Variants in SZT2 observed in about 807,000 individuals in gnomAD.
The protein encoded by SZT2 is SZT2 subunit of KICSTOR complex, also known as KICSTOR complex protein SZT2.
A neutral mutation model predicts 404.2 loss-of-function variants in SZT2; 216 were observed. The observed-to-expected ratio is 0.53, with a 90% CI of 0.48 to 0.60. The LOEUF (loss-of-function observed/expected upper bound fraction) is 0.60, where lower values mean the gene tolerates loss of function less well. Ranked by LOEUF, SZT2 falls within the 20% of genes least tolerant of loss-of-function variation. The pLI, the probability that SZT2 is intolerant of heterozygous loss-of-function variation, is 0.00. For missense variants in SZT2, 3,857 were observed against 4,459.2 expected, an observed-to-expected ratio of 0.86 and a Z score of 3.85; for synonymous variants, 1,693 against 1,749.9, an observed-to-expected ratio of 0.97 and a Z score of 0.81.
chr1:43,446,928 C>G (rs1227439711), intron 65 of SZT2, 27 bp from the exon 66 acceptor site: 1 of 1,599,312 alleles, frequency 6.3e-7, no homozygotes, highest in Non-Finnish European at 8.5e-7. Context: ...CATACCTTAA[C>G]CCTGTCTCCT....
chr1:43,451,141 A>G lies in SZT2; in HGVS notation c.*661A>G. On this transcript the variant is annotated 3_prime_UTR_variant, in exon 72 of 72. Transcript: ENST00000634258. ...ACTATGTGTCCCACCACCCCATTAC[A>G]GAGACATATGACAATGTTCAGCAGG... 1 of 1,163,662 alleles carries G rather than the reference A, an allele frequency of 8.6e-7. No homozygotes were observed. Among genetic ancestry groups the G allele is most frequent in the Non-Finnish European group, 1.3e-6 (1 of 771,688 alleles). 72.1% of individuals were successfully genotyped at this position (1,163,662 alleles called of 1,614,324 possible).
intron 1 of SZT2, among the ~76,000 whole-genome samples, chr1:43,401,211 C>T (rs1649645581): frequency 1.3e-5 from 2 of 152,170 alleles, no homozygotes; most frequent in African/African-American, 2.4e-5. Flanking sequence ...AGGCTTGAAC[C>T]GTTATGCCCA....
chr1:43,425,903 G>A lies in SZT2; in HGVS notation c.2883G>A (p.Gln961=). 1.2e-6 allele frequency: 2 copies of A among 1,614,176 alleles called. No homozygotes were observed. Among genetic ancestry groups the A allele is most frequent in the South Asian group, 1.1e-5 (1 of 91,084 alleles). ...LSFEYLIQLC[Q]SKEWGPLPPE... Reference sequence around the variant, plus strand: ...TTGAATACCTGATACAGCTGTGTCAGAGCAAGGAATGGGGTCCTCTGCCCC... The same window carrying A: ...TTGAATACCTGATACAGCTGTGTCAAAGCAAGGAATGGGGTCCTCTGCCCC... Residue 961 remains glutamine, a synonymous_variant, in exon 20 of 72, where the codon CAG becomes CAA. Transcript: ENST00000634258. The surrounding 1 kb of genome is among the most constrained non-coding windows in gnomAD (Gnocchi z 4.3).
intron 28 of SZT2, chr1:43,429,414 G>A (rs1377743017): frequency 1.5e-5 from 5 of 338,152 alleles, no homozygotes; most frequent in Non-Finnish European, 2.8e-5. Context: ...TATGCCTGTG[G>A]TCCCAGCTAC....
At position 43,427,120 on chromosome 1, in the gene SZT2, A is replaced by C. The variant is rs372604291; in HGVS notation, c.3374A>C (p.Tyr1125Ser). 1 of 1,614,170 alleles carries C rather than the reference A, an allele frequency of 6.2e-7. No homozygotes were observed. The highest frequency in any genetic ancestry group is 8.5e-7 in the Non-Finnish European group (1 of 1,180,034). ...GCCCAGCCCCCTCAGTGGCGCTGCT[A>C]TGCAAGGCTTGTGAACCCCCAGCAT... ...ISAQPPQWRC[Y>S]ARLVNPQHVF... The change falls in exon 24 of 72, where the codon TAT becomes TCT. Residue 1125 changes from tyrosine (Y) to serine (S), a missense_variant. Physicochemically the swap from Tyr to Ser is moderately radical, Grantham distance 144. This residue lies in a region of SZT2 where 1,725 missense variants were observed against 1,881.0 expected (regional missense o/e 0.92). Transcript: ENST00000634258.
Position 43,416,623 on chromosome 1 carries a change from G to A in SZT2, c.861G>A (p.Val287=), listed in dbSNP as rs1222652036. ...TGAACCAGCTTCGCAGTGGCACTGT[G>A]GCTTGTTCCTTTGTCCAGGTGAGGA... ...TLLNQLRSGT[V]ACSFVQVGGV... Residue 287 remains valine, a synonymous_variant, in exon 7 of 72, where the codon GTG becomes GTA. Transcript: ENST00000634258. 3 of 1,597,728 alleles carry A rather than the reference G, an allele frequency of 1.9e-6. No homozygotes were observed. The highest frequency in any genetic ancestry group is 1.3e-5 in the African/African-American group (1 of 74,900).
At chr1:43,415,359 A>ACTCC in intron 5 of SZT2, 146 bp downstream of exon 5, 2 of 946,136 alleles carry the variant, frequency 2.1e-6, no homozygotes, top group Non-Finnish European at 3.1e-6. Context: ...CTCATGACAC[A>ACTCC]CTCCCTGTTG....
intron 1 of SZT2, among the ~76,000 whole-genome samples, chr1:43,393,782 G>A (rs1374627824): frequency 1.3e-5 from 2 of 152,172 alleles, no homozygotes; most frequent in Non-Finnish European, 2.9e-5. Context: ...GCAGCACAGT[G>A]CCTGGTAATG....
chr1:43,425,693 C>T lies in SZT2; in HGVS notation c.2814+51C>T, dbSNP rs1473849187. 3.7e-6 allele frequency: 6 copies of T among 1,605,814 alleles called. No homozygotes were observed. Among genetic ancestry groups the T allele is most frequent in the Non-Finnish European group, 5.1e-6 (6 of 1,174,960 alleles). On this transcript the variant is annotated intron_variant, in intron 19 of 71. Coordinates refer to ENST00000634258, the MANE Select transcript of SZT2 (RefSeq NM_001365999.1). The surrounding 1 kb of genome is among the most constrained non-coding windows in gnomAD (Gnocchi z 4.3). ...CACCTCTCTCACTGGATTGGGGTGC[C>T]ATCTCTTTTGGAGTACTGCAGTCTG...
At chr1:43,413,758 G>A (rs1358982073) in intron 4 of SZT2, among the ~76,000 whole-genome samples, 1 of 152,138 alleles carries the variant, frequency 6.6e-6, no homozygotes, top group Non-Finnish European at 1.5e-5. Flanking sequence ...TAAAACAATT[G>A]AACTAATGAA....
At position 43,443,085 on chromosome 1, in the gene SZT2, AGGTGAG is replaced by A; in HGVS notation, c.8419+3_8419+8del. The A allele has an allele frequency of 6.2e-7, 1 of 1,611,382 alleles. No homozygotes were observed. The highest frequency in any genetic ancestry group is 8.5e-7 in the Non-Finnish European group (1 of 1,178,156). On this transcript the variant is annotated splice_donor_variant and splice_donor_5th_base_variant and coding_sequence_variant and intron_variant, in exon 59 of 72. Transcript: ENST00000634258. LOFTEE classifies it high-confidence loss of function. ...TAGAGATCAAGATGGCAGAGCGCAG[AGGTGAG>A]GGTACTGGGCCAGGCAGCAGGGACA... is the stretch of plus-strand genomic sequence containing the variant.
At chr1:43,411,769 CTTTTTTTTTTTTTTTT>C (rs386366817) in intron 4 of SZT2, among the ~76,000 whole-genome samples, 1 of 74,046 alleles carries the variant, frequency 1.4e-5, no homozygotes, top group Non-Finnish European at 2.4e-5. Context: ...CATCCACTAT[CTTTTTTTTTTTTTTTT>C]TTTTTTTTTT....
Position 43,451,142 on chromosome 1 carries a change from G to A in SZT2, c.*662G>A. On this transcript the variant is annotated 3_prime_UTR_variant, in exon 72 of 72. Transcript: ENST00000634258. ...CTATGTGTCCCACCACCCCATTACA[G>A]AGACATATGACAATGTTCAGCAGGT... 1 of 1,170,022 alleles carries A rather than the reference G, an allele frequency of 8.5e-7. No homozygotes were observed. Among genetic ancestry groups the A allele is most frequent in the Non-Finnish European group, 1.3e-6 (1 of 777,488 alleles). The allele number at this position is 1,170,022 out of a possible 1,614,324, so 72.5% of individuals were successfully genotyped here.
chr1:43,454,020 G>C lies in SZT2; in HGVS notation c.*3540G>C. 1 of 1,168,236 alleles carries C rather than the reference G, an allele frequency of 8.6e-7. No individual in the cohort carries two copies. The highest frequency in any genetic ancestry group is 1.1e-6 in the Non-Finnish European group (1 of 947,898). The allele number at this position is 1,168,236 out of a possible 1,614,324, so 72.4% of individuals were successfully genotyped here. ...GAGGCGAAGGGGCGGAGCGAGGGCG[G>C]CCGGAAAAGGAGCAGGACCCGCGCC... On this transcript the variant is annotated 3_prime_UTR_variant, in exon 72 of 72. Coordinates refer to ENST00000634258, the MANE Select transcript of SZT2 (RefSeq NM_001365999.1).
At chr1:43,428,660 A>C (rs1046273150) in intron 28 of SZT2, 174 bp downstream of exon 28, 1 of 855,408 alleles carries the variant, frequency 1.2e-6, no homozygotes, top group Non-Finnish European at 1.7e-6. Context: ...CCAATTTGGC[A>C]CAGGCAGCAG....
rs755487175 is a variant in SZT2 at position 43,425,078 on chromosome 1, T to G, written c.2551-35T>G. 1 of 1,613,520 alleles carries G rather than the reference T, an allele frequency of 6.2e-7. No homozygotes were observed. Among genetic ancestry groups the G allele is most frequent in the Non-Finnish European group, 8.5e-7 (1 of 1,179,440 alleles). ...GGCCAGGCCAGATCTCTGCCTTGGCTGGGATTTGCCCAAGATCTCCCATTT... is the reference window on the plus strand; with the variant it reads ...GGCCAGGCCAGATCTCTGCCTTGGCGGGGATTTGCCCAAGATCTCCCATTT... On this transcript the variant is annotated intron_variant, in intron 17 of 71. Coordinates refer to ENST00000634258, the MANE Select transcript of SZT2 (RefSeq NM_001365999.1). This position sits in a 1 kb window ranked among gnomAD's most constrained non-coding sequence, Gnocchi z 4.3.
rs1396371872 is a variant in SZT2 at position 43,450,157 on chromosome 1, C to A, written c.10141C>A (p.His3381Asn). The part of the protein sequence containing the change: ...DCFVLVFLDS[H>N]LGKTSLTVVF... ...CTTTGTGCTAGTGTTTCTGGACTCC[C>A]ACTTAGGAAAGACGGTAAGAACGAG... Residue 3381 changes from histidine to asparagine, a missense_variant, in exon 71 of 72, where the codon CAC becomes AAC. Transcript: ENST00000634258. The surrounding 1 kb of genome is among the most constrained non-coding windows in gnomAD (Gnocchi z 4.3). The A allele has an allele frequency of 1.2e-6, 2 of 1,613,984 alleles. No homozygotes were observed. The highest frequency in any genetic ancestry group is 1.1e-5 in the South Asian group (1 of 91,088).
chr1:43,447,121 C>T lies in SZT2; in HGVS notation c.9239C>T (p.Ala3080Val), dbSNP rs1409225380. The change falls in exon 66 of 72, where the codon GCC (alanine) becomes GTC (valine). Residue 3080 changes from alanine (A) to valine (V), a missense_variant. Coordinates refer to ENST00000634258, the MANE Select transcript of SZT2 (RefSeq NM_001365999.1). Reference protein sequence around the residue: ...HLTTFLRHFLAHHPDGPHFGR... With the variant: ...HLTTFLRHFLVHHPDGPHFGR... ...ACCACCTTTCTGCGACACTTCCTGGCCCACCACCCTGACGGACCCCACTTT... is the reference window on the plus strand; with the variant it reads ...ACCACCTTTCTGCGACACTTCCTGGTCCACCACCCTGACGGACCCCACTTT... 1.2e-6 allele frequency: 2 copies of T among 1,613,614 alleles called. No individual in the cohort carries two copies. Among genetic ancestry groups the T allele is most frequent in the African/African-American group, 2.7e-5 (2 of 74,932 alleles).
intron 11 of SZT2, 53 bp from the exon 12 acceptor site, chr1:43,422,030 T>C: frequency 6.5e-7 from 1 of 1,542,624 alleles, no homozygotes; most frequent in Non-Finnish European, 8.8e-7. Context: ...CTTTGGAGTT[T>C]GTACCCTGGT....
Sources: gnomAD v4.1 joint callset for allele counts (sites outside exome capture counted in the v4.1 genomes callset) on GRCh38, gnomAD v4.1.1 for gene constraint, gnomAD v4.1.1 regional missense constraint, Gnocchi (gnomAD v3.1) non-coding constraint, MANE v1.5 for transcripts, NCBI Gene and HGNC (gene_info 2026-07-23, HGNC 2026-07-21) for gene names.